Variants in WDR81 observed in about 807,000 individuals in gnomAD.
WDR81 encodes the protein WD repeat-containing protein 81.
Under a neutral mutation model 140.8 loss-of-function variants are expected in WDR81, and 92 were observed. The ratio of observed to expected loss-of-function variants is 0.65; its 90% CI spans 0.55 to 0.78. The LOEUF (loss-of-function observed/expected upper bound fraction) is 0.78. Ranked by LOEUF, WDR81 falls within the 30% of genes least tolerant of loss-of-function variation. The probability of loss-of-function intolerance (pLI) is 0.00; values close to 1 mark genes in which losing one functional copy is unlikely to be tolerated. For missense variants in WDR81, 2,502 were observed against 2,636.4 expected (o/e 0.95, Z 1.12); for synonymous variants, 1,183 against 1,156.4 (o/e 1.02, Z -0.47).
At position 1,732,434 on chromosome 17, in the gene WDR81, G is replaced by A; in HGVS notation, c.4267G>A (p.Glu1423Lys). The change falls in exon 5 of 10, where the codon GAG (glutamate) becomes AAG (lysine). Residue 1423 changes from glutamate (E) to lysine (K), a missense_variant. This residue lies in a region of WDR81 where 1,737 missense variants were observed against 1,843.0 expected (regional missense o/e 0.94). Transcript: ENST00000409644. Reference protein sequence around the residue: ...GQEMVQQHLSEPVATFFQVFS... With the variant: ...GQEMVQQHLSKPVATFFQVFS... ...GGAGATGGTCCAGCAGCACCTGAGC[G>A]AGCCCGTGGCCACCTTTTTCCAGGT... 6.2e-7 allele frequency: 1 copy of A among 1,613,540 alleles called. No individual in the cohort carries two copies. The highest frequency in any genetic ancestry group is 8.5e-7 in the Non-Finnish European group (1 of 1,180,008).
chr17:1,725,591 G>C lies in WDR81; in HGVS notation c.632G>C (p.Gly211Ala). The change falls in exon 1 of 10, where the codon GGC becomes GCC. Residue 211 changes from glycine to alanine, a missense_variant. By Grantham distance (60) the Gly-to-Ala change is moderately conservative. Around this residue, in one of 3 missense-constraint regions of WDR81, gnomAD observed 547 missense variants for 513.8 expected, o/e 1.06. Transcript: ENST00000409644. ...AGAGAAGGCCCCTGCCCCCCTCGGG[G>C]CAGCCCTGCTTGCCCTAGTCTTTTA... is the stretch of plus-strand genomic sequence containing the variant. The part of the protein sequence containing the change: ...YAREGPCPPR[G>A]SPACPSLLRA... 6.5e-7 allele frequency: 1 copy of C among 1,545,258 alleles called. No homozygotes were observed. The highest frequency in any genetic ancestry group is 1.4e-5 in the African/African-American group (1 of 73,176).
At position 1,725,139 on chromosome 17, in the gene WDR81, G is replaced by C. The variant is rs1340722480; in HGVS notation, c.180G>C (p.Ala60=). ...GGTHVVALVP[A]RWLASLRDRR... ...CCCACGTGGTGGCCCTAGTGCCTGC[G>C]CGCTGGCTGGCCAGCCTCCGCGATC... The change falls in exon 1 of 10, where the codon GCG becomes GCC. Residue 60 remains alanine (A), a synonymous_variant. Coordinates refer to ENST00000409644, the MANE Select transcript of WDR81 (RefSeq NM_001163809.2). 3.9e-6 allele frequency: 6 copies of C among 1,531,114 alleles called. No homozygotes were observed. The Admixed American group carries it at 5.9e-5, about 15-fold the overall frequency. The allele number at this position is 1,531,114 out of a possible 1,614,324, so 94.8% of individuals were successfully genotyped here. A position where few individuals can be genotyped will look rare whatever the true frequency, so the allele number is the denominator to read the frequency against.
rs1169749914 is a variant in WDR81 at position 1,727,683 on chromosome 17, G to A, written c.2724G>A (p.Gln908=). 1.3e-6 allele frequency: 2 copies of A among 1,550,510 alleles called. No homozygotes were observed. Among genetic ancestry groups the A allele is most frequent in the Admixed American group, 3.9e-5 (2 of 51,002 alleles). ...GRELVFALWQ[Q]LGAVLKDITP... ...AGCTGGTGTTTGCTCTGTGGCAGCA[G>A]CTGGGCGCGGTGCTGAAGGACATCA... Residue 908 remains glutamine, a synonymous_variant, in exon 1 of 10, where the codon CAG becomes CAA. Coordinates refer to ENST00000409644, the MANE Select transcript of WDR81 (RefSeq NM_001163809.2).
rs1915379883 is a variant in WDR81, at chr17:1,727,673, T to A, written c.2714T>A (p.Leu905Gln). 4 of 1,550,564 alleles carry A rather than the reference T, an allele frequency of 2.6e-6. No individual in the cohort carries two copies. Among genetic ancestry groups the A allele is most frequent in the Non-Finnish European group, 3.5e-6 (4 of 1,147,012 alleles). Residue 905 changes from leucine (L) to glutamine (Q), a missense_variant, in exon 1 of 10, where the codon CTG (leucine) becomes CAG (glutamine). Physicochemically the swap from Leu to Gln is moderately radical, Grantham distance 113. Transcript: ENST00000409644. ...CAGGGGCGCGAGCTGGTGTTTGCTC[T>A]GTGGCAGCAGCTGGGCGCGGTGCTG... is the stretch of plus-strand genomic sequence containing the variant. ...EAQGRELVFA[L>Q]WQQLGAVLKD...
chr17:1,724,598 C>A, upstream of WDR81: 1 of 346,630 alleles, frequency 2.9e-6, no homozygotes, highest in Middle Eastern at 1.4e-3. Context: ...AGCGGAGCAG[C>A]GGGAGGGAGG....
Position 1,732,550 on chromosome 17 carries a change from C to G in WDR81, c.4323+60C>G, listed in dbSNP as rs372703522. ...CGGGGGCTGTGGACCTGGGTGACCC[C>G]CTGGGCATCTTGCTCATAGGATCTG... On this transcript the variant is annotated intron_variant, in intron 5 of 9. Coordinates refer to ENST00000409644, the MANE Select transcript of WDR81 (RefSeq NM_001163809.2). 3,009 of 1,590,672 alleles carry G rather than the reference C, an allele frequency of 1.9e-3. 7 individuals are homozygous for G. Among genetic ancestry groups the G allele is most frequent in the Middle Eastern group, 2.8e-3 (13 of 4,634 alleles).
chr17:1,727,330 C>T lies in WDR81; in HGVS notation c.2371C>T (p.Gln791Ter). The T allele has an allele frequency of 6.5e-7, 1 of 1,549,856 alleles. No homozygotes were observed. The highest frequency in any genetic ancestry group is 8.7e-7 in the Non-Finnish European group (1 of 1,146,972). ...MVFATRVRTL[Q>*]PDAPLWVRFQ... ...GTTTGCCACCAGGGTGCGGACGCTGCAGCCCGATGCACCTTTGTGGGTACG... is the reference window on the plus strand; with the variant it reads ...GTTTGCCACCAGGGTGCGGACGCTGTAGCCCGATGCACCTTTGTGGGTACG... Residue 791 changes from glutamine (Q) to a stop codon, truncating the protein, a stop_gained, in exon 1 of 10, where the codon CAG (glutamine) becomes TAG (stop). Coordinates refer to ENST00000409644, the MANE Select transcript of WDR81 (RefSeq NM_001163809.2). LOFTEE classifies it high-confidence loss of function.
In WDR81 at chr17:1,735,845, G is replaced by A. The variant is rs1904816944; in HGVS notation, c.5325+128G>A. 3 of 1,409,702 alleles carry A rather than the reference G, an allele frequency of 2.1e-6. No homozygotes were observed. In the East Asian group the frequency reaches 7.3e-5, roughly 34 times the overall value. The allele number at this position is 1,409,702 out of a possible 1,614,324, so 87.3% of individuals were successfully genotyped here. ...CCTAGTTAGTTTCTCTTTGGTGCTA[G>A]ATCACCCACAGCCACACATCCTGCG... On this transcript the variant is annotated intron_variant, in intron 8 of 9. Transcript: ENST00000409644. The surrounding 1 kb of genome is among the most constrained non-coding windows in gnomAD (Gnocchi z 4.2).
Position 1,728,008 on chromosome 17 carries a change from G to T in WDR81, c.3049G>T (p.Ala1017Ser), listed in dbSNP as rs1915408252. ...CCTGCAGGTGCTGGCGGGCGCAGAG[G>T]CCTCCCAGGAGGAGAGCAAGGACCT... ...HVLQVLAGAE[A>S]SQEESKDLAG... The change falls in exon 1 of 10, where the codon GCC (alanine) becomes TCC (serine). Residue 1017 changes from alanine to serine, a missense_variant. Physicochemically the swap from Ala to Ser is moderately conservative, Grantham distance 99. Around this residue, in one of 3 missense-constraint regions of WDR81, gnomAD observed 1,737 missense variants for 1,843.0 expected, o/e 0.94. Transcript: ENST00000409644. The T allele has an allele frequency of 6.4e-7, 1 of 1,551,862 alleles. No homozygotes were observed. The highest frequency in any genetic ancestry group is 8.7e-7 in the Non-Finnish European group (1 of 1,147,896).
At position 1,727,537 on chromosome 17, in the gene WDR81, C is replaced by T; in HGVS notation, c.2578C>T (p.Pro860Ser). Residue 860 changes from proline (P) to serine (S), a missense_variant, in exon 1 of 10, where the codon CCA becomes TCA. Physicochemically the swap from Pro to Ser is moderately conservative, Grantham distance 74. Transcript: ENST00000409644. Reference sequence around the variant, plus strand: ...CTCCCAGGGCCTGCCCCCACCCTGCCCAAGCCAGCTTCTCAGCCCCTTCAG... The same window carrying T: ...CTCCCAGGGCCTGCCCCCACCCTGCTCAAGCCAGCTTCTCAGCCCCTTCAG... ...PVSQGLPPPC[P>S]SQLLSPFSSV... The T allele has an allele frequency of 6.4e-7, 1 of 1,550,442 alleles. No homozygotes were observed. The highest frequency in any genetic ancestry group is 1.2e-5 in the South Asian group (1 of 84,066).
intron 4 of WDR81, 134 bp from the exon 5 acceptor site, chr17:1,732,191 C>T (rs541668868): frequency 1.2e-5 from 15 of 1,242,010 alleles, no homozygotes; most frequent in East Asian, 1.0e-4. Context: ...GAGCCGAGAT[C>T]GCACCACTGC....
chr17:1,731,305 G>A (rs1373351667), intron 4 of WDR81, 47 bp downstream of exon 4: 4 of 1,580,554 alleles, frequency 2.5e-6, no homozygotes, highest in Admixed American at 1.8e-5. Flanking sequence ...CCAGCGGAGG[G>A]GCTGCCCAGG....
At position 1,725,537 on chromosome 17, in the gene WDR81, G is replaced by T; in HGVS notation, c.578G>T (p.Gly193Val). The change falls in exon 1 of 10, where the codon GGT (glycine) becomes GTT (valine). Residue 193 changes from glycine to valine, a missense_variant. Transcript: ENST00000409644. ...TATGGTTGCTCCTTCCTGCCAGTGG[G>T]TGAAACTACCCAATGCCCTTCATAT... Reference protein sequence around the residue: ...RVYGCSFLPVGETTQCPSYAR... With the variant: ...RVYGCSFLPVVETTQCPSYAR... 1.3e-6 allele frequency: 2 copies of T among 1,545,290 alleles called. No homozygotes were observed. Among genetic ancestry groups the T allele is most frequent in the Non-Finnish European group, 1.7e-6 (2 of 1,146,970 alleles).
chr17:1,728,659 A>T (rs752391661), intron 1 of WDR81, 33 bp downstream of exon 1: 1 of 1,444,290 alleles, frequency 6.9e-7, no homozygotes, highest in Non-Finnish European at 9.1e-7. Flanking sequence ...TGTTGGTCAA[A>T]AACACCTCCT....
At chr17:1,721,360 G>GAA (rs5818829), upstream of WDR81, among the ~76,000 whole-genome samples, 76 of 150,014 alleles carry the variant, frequency 5.1e-4, no homozygotes, top group Non-Finnish European at 9.3e-4. Flanking sequence ...ACTTTGTCTC[G>GAA]AAAAAAAAAA....
At position 1,734,057 on chromosome 17, in the gene WDR81, C is replaced by T; in HGVS notation, c.5020C>T (p.Leu1674Phe). ...CGGCAGCAAGGATCGTACCGTGCGC[C>T]TCTGGCCGCTGTACAACTACGGCGA... is the stretch of plus-strand genomic sequence containing the variant. ...LSGSKDRTVR[L>F]WPLYNYGDGT... is the part of the protein sequence containing the mutation. The change falls in exon 7 of 10, where the codon CTC becomes TTC. Residue 1674 changes from leucine (L) to phenylalanine (F), a missense_variant. This residue lies in a region of WDR81 where 1,737 missense variants were observed against 1,843.0 expected (regional missense o/e 0.94). Transcript: ENST00000409644. 4 of 1,608,104 alleles carry T rather than the reference C, an allele frequency of 2.5e-6. No homozygotes were observed. Among genetic ancestry groups the T allele is most frequent in the South Asian group, 1.1e-5 (1 of 91,076 alleles).
rs1181883574 is a variant in WDR81, at chr17:1,731,072, C to T, written c.3971C>T (p.Ala1324Val). 1 of 1,611,838 alleles carries T rather than the reference C, an allele frequency of 6.2e-7. No homozygotes were observed. Among genetic ancestry groups the T allele is most frequent in the Admixed American group, 1.7e-5 (1 of 59,952 alleles). Reference protein sequence around the residue: ...QYLPYISYLVAPGSASGPSRL... With the variant: ...QYLPYISYLVVPGSASGPSRL... ...TCATCTGCTCGGTGGCTCTAGGTGG[C>T]CCCAGGGAGTGCCTCAGGCCCCAGC... Residue 1324 changes from alanine (A) to valine (V), a missense_variant, in exon 4 of 10, where the codon GCC becomes GTC. Around this residue, in one of 3 missense-constraint regions of WDR81, gnomAD observed 1,737 missense variants for 1,843.0 expected, o/e 0.94. Coordinates refer to ENST00000409644, the MANE Select transcript of WDR81 (RefSeq NM_001163809.2).
Position 1,734,274 on chromosome 17 carries a change from CAGGA to C in WDR81, c.5179+62_5179+65del. 3.4e-6 allele frequency: 5 copies of C among 1,469,534 alleles called. No homozygotes were observed. The South Asian group carries it at 6.8e-5, about 20-fold the overall frequency. The allele number at this position is 1,469,534 out of a possible 1,614,324, so 91.0% of individuals were successfully genotyped here. A position where few individuals can be genotyped will look rare whatever the true frequency, so the allele number is the denominator to read the frequency against. Reference sequence around the variant, plus strand: ...CTGCTCCTGCGCCCCACCAGGCCTCCAGGAAGGGGGCCCGAGGGTGGGGCTGTAA... The same window carrying C: ...CTGCTCCTGCGCCCCACCAGGCCTCCAGGGGGCCCGAGGGTGGGGCTGTAA... On this transcript the variant is annotated intron_variant, in intron 7 of 9. Transcript: ENST00000409644.
rs377573673 is a variant in WDR81, at chr17:1,731,121, G to A, written c.4020G>A (p.Ala1340=). The A allele has an allele frequency of 5.6e-6, 9 of 1,613,010 alleles. No individual in the cohort carries two copies. Among genetic ancestry groups the A allele is most frequent in the South Asian group, 2.2e-5 (2 of 91,078 alleles). ...GPSRLNSRKE[A]GLLAAVTLTQ... ...GCCGACTGAACAGCCGTAAGGAGGC[G>A]GGGCTGCTGGCCGCGGTGACGCTGA... is the stretch of plus-strand genomic sequence containing the variant. The change falls in exon 4 of 10, where the codon GCG becomes GCA. Residue 1340 remains alanine, a synonymous_variant. Transcript: ENST00000409644.
Sources: gnomAD v4.1 joint callset for allele counts (sites outside exome capture counted in the v4.1 genomes callset) on GRCh38, gnomAD v4.1.1 for gene constraint, gnomAD v4.1.1 regional missense constraint, Gnocchi (gnomAD v3.1) non-coding constraint, MANE v1.5 for transcripts, NCBI Gene and HGNC (gene_info 2026-07-23, HGNC 2026-07-21) for gene names.